STPG1: variants seen among roughly 807,000 people sequenced by gnomAD.
STPG1 encodes sperm tail PG-rich repeat containing 1, also known as O(6)-methylguanine-induced apoptosis 2.
A neutral mutation model predicts 40.1 loss-of-function variants in STPG1; 33 were observed. The observed-to-expected ratio is 0.82, with a 90% CI of 0.62 to 1.10. STPG1 has a LOEUF of 1.10. STPG1 is among the 50% of genes least tolerant of loss of function. The probability of loss-of-function intolerance (pLI) is 0.00; values close to 1 mark genes in which losing one functional copy is unlikely to be tolerated. For missense variants in STPG1, 396 were observed against 415.1 expected, an observed-to-expected ratio of 0.95 and a Z score of 0.40; for synonymous variants, 150 against 155.0, an observed-to-expected ratio of 0.97 and a Z score of 0.24.
intron 3 of STPG1, among the ~76,000 whole-genome samples, chr1:24,386,478 G>T (rs1439622568): frequency 6.6e-6 from 1 of 152,254 alleles, no homozygotes; most frequent in African/African-American, 2.4e-5. Flanking sequence ...GTTGCTGCTG[G>T]TGGCTTGAAG....
intron 7 of STPG1, among the ~76,000 whole-genome samples, chr1:24,364,760 G>A (rs1159139089): frequency 2.0e-5 from 3 of 152,160 alleles, no homozygotes; most frequent in East Asian, 1.9e-4. Context: ...TGTGACCAGG[G>A]CTTTTATGAG....
intron 2 of STPG1, among the ~76,000 whole-genome samples, chr1:24,395,581 CGCCACCGCGCCCG>C (rs1388918462): frequency 6.6e-6 from 1 of 151,464 alleles, no homozygotes; most frequent in East Asian, 1.9e-4. Context: ...TACAGGCGCC[CGCCACCGCGCCCG>C]GCTAATTTTT....
chr1:24,401,472 A>T lies in STPG1; in HGVS notation c.-68-16T>A. 8.8e-7 allele frequency: 1 copy of T among 1,137,614 alleles called. No individual in the cohort carries two copies. The highest frequency in any genetic ancestry group is 1.3e-6 in the Non-Finnish European group (1 of 756,100). 70.5% of individuals were successfully genotyped at this position (1,137,614 alleles called of 1,614,324 possible). ...TCCTAAGCACCTGAAACAGCAAAAC[A>T]CAGCATTTGTAGAGATCATTTCACA... is the stretch of plus-strand genomic sequence containing the variant. On this transcript the variant is annotated splice_polypyrimidine_tract_variant and intron_variant, in intron 1 of 8. Coordinates refer to ENST00000337248, the MANE Select transcript of STPG1 (RefSeq NM_001199013.2).
chr1:24,358,655 G>A, intron 8 of STPG1, 36 bp from the exon 9 acceptor site: 1 of 1,532,596 alleles, frequency 6.5e-7, no homozygotes, highest in Non-Finnish European at 9.0e-7. Context: ...CATTAAGAGA[G>A]AAAAGGCCCA....
rs532854665 is a variant in STPG1, at chr1:24,358,094, G to C, written c.*449C>G. The C allele has an allele frequency of 1.2e-5, 5 of 403,770 alleles. No homozygotes were observed. In the East Asian group the frequency reaches 3.6e-4, roughly 29 times the overall value. The allele number at this position is 403,770 out of a possible 1,614,324, so 25.0% of individuals were successfully genotyped here. A position where few individuals can be genotyped will look rare whatever the true frequency, so the allele number is the denominator to read the frequency against. On this transcript the variant is annotated 3_prime_UTR_variant, in exon 9 of 9. Transcript: ENST00000337248. ...AGAAAGGGACAAATGAGAAAGGCAG[G>C]AGTGAGGGAATGAATGAATGTGTAA...
At chr1:24,385,522 G>A (rs537239734) in intron 3 of STPG1, among the ~76,000 whole-genome samples, 7 of 152,222 alleles carry the variant, frequency 4.6e-5, no homozygotes, top group Non-Finnish European at 1.0e-4. Flanking sequence ...CTGTTTTCAG[G>A]GCAAGCATCA....
At chr1:24,384,141 T>C in intron 3 of STPG1, 138 bp from the exon 4 acceptor site, 1 of 592,074 alleles carries the variant, frequency 1.7e-6, no homozygotes, top group Non-Finnish European at 3.1e-6. Flanking sequence ...GGTGACAGCC[T>C]AGCTCCACCA....
At chr1:24,364,604 G>A in intron 7 of STPG1, 1 of 619,522 alleles carries the variant, frequency 1.6e-6, no homozygotes, top group Non-Finnish European at 2.3e-6. Context: ...GAAAAGCAGA[G>A]GGCTGGCAGC....
rs531628362 is a variant in STPG1, at chr1:24,357,574, G to C, written c.*969C>G. The C allele has an allele frequency of 6.4e-6, 1 of 156,560 alleles. No homozygotes were observed. Among genetic ancestry groups the C allele is most frequent in the East Asian group, 1.9e-4 (1 of 5,222 alleles). 9.7% of individuals were successfully genotyped at this position (156,560 alleles called of 1,614,324 possible). ...CAAGGCTGAGAACCACTTCTCTGGA[G>C]AGGCCACAGTTGTACAGGCCTTGGA... On this transcript the variant is annotated 3_prime_UTR_variant, in exon 9 of 9. Transcript: ENST00000337248.
At chr1:24,408,608 G>A (rs117605412) in intron 1 of STPG1, among the ~76,000 whole-genome samples, 2,520 of 152,282 alleles carry the variant, frequency 0.017, 34 homozygotes, top group South Asian at 0.051. Flanking sequence ...GCAATTGTAG[G>A]ACTCACCGTG....
intron 3 of STPG1, among the ~76,000 whole-genome samples, chr1:24,387,000 C>G (rs1233021417): frequency 6.6e-6 from 1 of 152,096 alleles, no homozygotes; most frequent in Non-Finnish European, 1.5e-5. Context: ...GGCCCGCCAT[C>G]ATCATCATCA....
At chr1:24,398,098 A>G (rs1557458894) in intron 2 of STPG1, among the ~76,000 whole-genome samples, 1 of 152,066 alleles carries the variant, frequency 6.6e-6, no homozygotes, top group Admixed American at 6.5e-5. Context: ...CAGCAATGGG[A>G]AGTCTTTTTA....
intron 1 of STPG1, among the ~76,000 whole-genome samples, chr1:24,405,145 A>G (rs1643365622): frequency 6.6e-6 from 1 of 152,184 alleles, no homozygotes; most frequent in East Asian, 1.9e-4. Flanking sequence ...TTTAGTAGAG[A>G]CAGGGTTTCA....
At chr1:24,411,712 G>C (rs1056110660) in intron 1 of STPG1, 1 of 152,152 alleles carries the variant, frequency 6.6e-6, no homozygotes, top group Admixed American at 6.5e-5. Context: ...CAAAGCACTG[G>C]GATTACAGTG....
chr1:24,412,676 A>G (rs1643753234), intron 1 of STPG1, among the ~76,000 whole-genome samples: 1 of 152,212 alleles, frequency 6.6e-6, no homozygotes, highest in Non-Finnish European at 1.5e-5. Flanking sequence ...TGGGCAACAT[A>G]GCAAGGCCCT....
chr1:24,361,619 C>A (rs1362899829), intron 7 of STPG1, among the ~76,000 whole-genome samples: 1 of 152,076 alleles, frequency 6.6e-6, no homozygotes, highest in East Asian at 1.9e-4. Context: ...TAAATATCAT[C>A]CTGGGGAGGC....
chr1:24,377,466 C>T (rs1642082432), intron 5 of STPG1, among the ~76,000 whole-genome samples: 1 of 152,054 alleles, frequency 6.6e-6, no homozygotes, highest in Admixed American at 6.5e-5. Context: ...GGCTGGGCTC[C>T]TTGCTATACC....
chr1:24,402,870 T>C (rs1437655653), intron 1 of STPG1, among the ~76,000 whole-genome samples: 1 of 152,220 alleles, frequency 6.6e-6, no homozygotes, highest in Non-Finnish European at 1.5e-5. Flanking sequence ...TTTTATCATA[T>C]ATGTTTTGAA....
At chr1:24,392,722 C>T (rs1056479229) in intron 2 of STPG1, among the ~76,000 whole-genome samples, 5 of 152,206 alleles carry the variant, frequency 3.3e-5, no homozygotes, top group East Asian at 3.9e-4. Context: ...TGTGTGGCAC[C>T]GTAAGTCTTG....
Sources: allele counts gnomAD v4.1 joint callset (sites outside exome capture counted in the v4.1 genomes callset), GRCh38; gene constraint gnomAD v4.1.1; transcripts MANE v1.5; gene names NCBI Gene and HGNC (gene_info 2026-07-23, HGNC 2026-07-21).